PCDHGA6: variants seen among roughly 807,000 people sequenced by gnomAD.
PCDHGA6 encodes protocadherin gamma-A6.
Under a neutral mutation model 60.6 loss-of-function variants are expected in PCDHGA6, and 41 were observed. The observed-to-expected ratio is 0.68, with a 90% CI of 0.53 to 0.88. The LOEUF (loss-of-function observed/expected upper bound fraction) is 0.88, where lower values mean the gene tolerates loss of function less well. PCDHGA6 is among the 40% of genes least tolerant of loss of function. PCDHGA6 has a pLI of 0.00. For missense variants in PCDHGA6, 1,312 were observed against 1,203.0 expected (o/e 1.09, Z -1.34); for synonymous variants, 594 against 524.4 (o/e 1.13, Z -1.81).
chr5:141,434,480 C>T (rs777049751), intron 1 of PCDHGA6, among the ~76,000 whole-genome samples: 6 of 152,194 alleles, frequency 3.9e-5, no homozygotes, highest in Non-Finnish European at 5.9e-5. Context: ...GGGCAAGGAA[C>T]ACCTGGCCCG....
chr5:141,509,068 G>T (rs1267011061), intron 3 of PCDHGA6, among the ~76,000 whole-genome samples: 1 of 152,144 alleles, frequency 6.6e-6, no homozygotes, highest in Non-Finnish European at 1.5e-5. Context: ...TCTCAGCTCC[G>T]GGGATTTGCG....
chr5:141,490,923 C>T lies in PCDHGA6; in HGVS notation c.2425-3884C>T. The T allele has an allele frequency of 6.2e-7, 1 of 1,613,668 alleles. No homozygotes were observed. Among genetic ancestry groups the T allele is most frequent in the South Asian group, 1.1e-5 (1 of 91,050 alleles). On this transcript the variant is annotated intron_variant, in intron 1 of 3. Coordinates refer to ENST00000517434, the MANE Select transcript of PCDHGA6 (RefSeq NM_018919.3). The surrounding 1 kb of genome is among the most constrained non-coding windows in gnomAD (Gnocchi z 5.4). ...TTGTCCTAGACGAGAATGATAATGC[C>T]CCAGCTGTGCTGCACCCACGGCCAG...
chr5:141,399,561 G>A, intron 1 of PCDHGA6: 2 of 1,614,042 alleles, frequency 1.2e-6, no homozygotes, highest in Non-Finnish European at 1.7e-6. Flanking sequence ...TGGACTTGGG[G>A]TTGAACGGCC....
chr5:141,472,980 C>CAAAAAAAAAAAAAAAAAAAA (rs60579131), intron 1 of PCDHGA6, among the ~76,000 whole-genome samples: 7 of 86,088 alleles, frequency 8.1e-5, no homozygotes, highest in South Asian at 4.3e-4. Flanking sequence ...GAGTGAAACT[C>CAAAAAAAAAAAAAAAAAAAA]AAAAAAAAAA....
rs531773756 is a variant in PCDHGA6 at position 141,417,037 on chromosome 5, TTA to T, written c.2424+40531_2424+40532del. On this transcript the variant is annotated intron_variant, in intron 1 of 3. Coordinates refer to ENST00000517434, the MANE Select transcript of PCDHGA6 (RefSeq NM_018919.3). ...ATTTTGAAAAATACAGGTTTTTTTT[TTA>T]AAAAAAACTGCTCTTGACATTGTAG... 5.9e-5 allele frequency: 9 copies of T among 151,574 alleles called. 1 individual carries two copies. Among genetic ancestry groups the T allele is most frequent in the Admixed American group, 2.0e-4 (3 of 15,204 alleles). The allele number at this position is 151,574 out of a possible 1,614,324, so 9.4% of individuals were successfully genotyped here.
chr5:141,437,165 T>A (rs62379162), intron 1 of PCDHGA6, among the ~76,000 whole-genome samples: 3,747 of 152,330 alleles, frequency 0.025, 69 homozygotes, highest in Middle Eastern at 0.085. Context: ...TGTTGATTGT[T>A]TTCTGAGACT....
At chr5:141,409,573 C>T (rs562811168) in intron 1 of PCDHGA6, 4 of 1,613,934 alleles carry the variant, frequency 2.5e-6, no homozygotes, top group African/African-American at 2.7e-5. Flanking sequence ...AGACGTCCTA[C>T]GTGGTCCACG....
intron 1 of PCDHGA6, chr5:141,413,356 C>T: frequency 6.2e-7 from 1 of 1,613,962 alleles, no homozygotes; most frequent in South Asian, 1.1e-5. Context: ...TCTGGCGCCC[C>T]GGGAGCTGGC....
At chr5:141,502,978 G>T (rs1004984942) in intron 2 of PCDHGA6, among the ~76,000 whole-genome samples, 1 of 150,096 alleles carries the variant, frequency 6.7e-6, no homozygotes, top group Non-Finnish European at 1.5e-5. Context: ...CAAGTAGCTG[G>T]GATTACAGGC....
intron 1 of PCDHGA6, among the ~76,000 whole-genome samples, chr5:141,450,061 C>A (rs1219642208): frequency 7.2e-6 from 1 of 139,334 alleles, no homozygotes; most frequent in Non-Finnish European, 1.5e-5. Context: ...GGCTGGAATG[C>A]AGTGGTATGA....
chr5:141,498,230 C>T (rs2099782452), intron 2 of PCDHGA6, among the ~76,000 whole-genome samples: 1 of 152,200 alleles, frequency 6.6e-6, no homozygotes, highest in African/African-American at 2.4e-5. Flanking sequence ...GATGGTCAGG[C>T]ATACCAGCTT....
Position 141,433,362 on chromosome 5 carries a change from T to G in PCDHGA6, c.2424+56855T>G, listed in dbSNP as rs1285511534. ...GTGCAAGCCACCTACTGTCTGCCTA[T>G]CTATCTATCTATCTATCTATCTATC... On this transcript the variant is annotated intron_variant, in intron 1 of 3. Transcript: ENST00000517434. 4 of 299,814 alleles carry G rather than the reference T, an allele frequency of 1.3e-5. No individual in the cohort carries two copies. In the East Asian group the frequency reaches 1.8e-4, roughly 14 times the overall value. 18.6% of individuals were successfully genotyped at this position (299,814 alleles called of 1,614,324 possible). A position where few individuals can be genotyped will look rare whatever the true frequency, so the allele number is the denominator to read the frequency against.
At chr5:141,443,317 C>CA (rs35054295) in intron 1 of PCDHGA6, among the ~76,000 whole-genome samples, 76,100 of 141,790 alleles carry the variant, frequency 0.54, 21,234 homozygotes, top group African/African-American at 0.75. Flanking sequence ...CCCATCTCTA[C>CA]AAAAAAAAAA....
At chr5:141,393,138 C>G (rs2092688516) in intron 1 of PCDHGA6, 1 of 1,613,196 alleles carries the variant, frequency 6.2e-7, no homozygotes, top group Non-Finnish European at 8.5e-7. Flanking sequence ...TATTAACACC[C>G]TGGTTGAGGA....
chr5:141,376,139 G>C lies in PCDHGA6; in HGVS notation c.2056G>C (p.Asp686His). ...GSLEPSAKPN[D>H]SDLTLYLVVA... ...CCTCGAGCCCTCCGCCAAACCCAAC[G>C]ATTCGGACCTCACTCTGTACCTGGT... The change falls in exon 1 of 4, where the codon GAT becomes CAT. Residue 686 changes from aspartate (D) to histidine (H), a missense_variant. By Grantham distance (81) the Asp-to-His change is moderately conservative. Coordinates refer to ENST00000517434, the MANE Select transcript of PCDHGA6 (RefSeq NM_018919.3). The C allele has an allele frequency of 6.2e-7, 1 of 1,613,958 alleles. No individual in the cohort carries two copies. Among genetic ancestry groups the C allele is most frequent in the Non-Finnish European group, 8.5e-7 (1 of 1,179,970 alleles).
At chr5:141,459,442 A>G (rs2098968073) in intron 1 of PCDHGA6, among the ~76,000 whole-genome samples, 1 of 152,198 alleles carries the variant, frequency 6.6e-6, no homozygotes, top group South Asian at 2.1e-4. Context: ...CATTCATTCA[A>G]CTGTTGGTGG....
At chr5:141,460,733 C>T (rs988651750) in intron 1 of PCDHGA6, among the ~76,000 whole-genome samples, 2 of 150,844 alleles carry the variant, frequency 1.3e-5, no homozygotes, top group Non-Finnish European at 3.0e-5. Context: ...CATATATACA[C>T]ATTGTATATA....
At chr5:141,385,582 G>T (rs1192405517) in intron 1 of PCDHGA6, 42 of 1,273,732 alleles carry the variant, frequency 3.3e-5, no homozygotes, top group Non-Finnish European at 4.1e-5. Context: ...TCCAATCTAT[G>T]TTCCAACCTA....
chr5:141,419,551 C>T lies in PCDHGA6; in HGVS notation c.2424+43044C>T, dbSNP rs772468979. Reference sequence around the variant, plus strand: ...ACGACAACGCACCGCGGGTGCTGTACCCTGCGCTGGGTCCCGACGGCTCCG... The same window carrying T: ...ACGACAACGCACCGCGGGTGCTGTATCCTGCGCTGGGTCCCGACGGCTCCG... On this transcript the variant is annotated intron_variant, in intron 1 of 3. Transcript: ENST00000517434. 7 of 1,611,916 alleles carry T rather than the reference C, an allele frequency of 4.3e-6. No individual in the cohort carries two copies. The Admixed American group carries it at 1.2e-4, about 27-fold the overall frequency.
Sources: gnomAD v4.1 joint callset for allele counts (sites outside exome capture counted in the v4.1 genomes callset) on GRCh38, gnomAD v4.1.1 for gene constraint, Gnocchi (gnomAD v3.1) non-coding constraint, MANE v1.5 for transcripts, NCBI Gene and HGNC (gene_info 2026-07-23, HGNC 2026-07-21) for gene names.